Variants in EYA2 observed in about 807,000 individuals in gnomAD.
EYA2 encodes protein phosphatase EYA2.
In EYA2, 31 loss-of-function variants were observed where a neutral mutation model predicts 69.2. The ratio of observed to expected loss-of-function variants is 0.45; its 90% CI spans 0.34 to 0.60. The LOEUF (loss-of-function observed/expected upper bound fraction) is 0.60, where lower values mean the gene tolerates loss of function less well. Among genes scored for constraint, EYA2 ranks in the 20% least tolerant of loss-of-function variants. The probability of loss-of-function intolerance (pLI) is 0.02; values close to 1 mark genes in which losing one functional copy is unlikely to be tolerated. For synonymous variants in EYA2, 257 were observed against 279.4 expected, an observed-to-expected ratio of 0.92 and a Z score of 0.80; for missense variants, 622 against 701.2, an observed-to-expected ratio of 0.89 and a Z score of 1.28.
chr20:46,905,532 C>T lies in EYA2; in HGVS notation c.-11+10545C>T, dbSNP rs546777626. Among the ~76,000 whole-genome samples the T allele has an allele frequency of 5.3e-5, 8 of 152,312 alleles. No homozygotes were observed. In the East Asian group the frequency reaches 1.3e-3, roughly 26 times the overall value. On this transcript the variant is annotated intron_variant, in intron 1 of 15. Coordinates refer to ENST00000327619, the MANE Select transcript of EYA2 (RefSeq NM_005244.5). Reference sequence around the variant, plus strand: ...CTTGAACAGCACATGGAAAAAGTAACGTAAGTGGGTTGCAAAATCCTTTTC... The same window carrying T: ...CTTGAACAGCACATGGAAAAAGTAATGTAAGTGGGTTGCAAAATCCTTTTC...
At chr20:46,943,326 C>T (rs372180607) in intron 1 of EYA2, among the ~76,000 whole-genome samples, 65 of 152,240 alleles carry the variant, frequency 4.3e-4, no homozygotes, top group African/African-American at 1.5e-3. Context: ...GACATCCTCA[C>T]GTAGAGTATT....
In EYA2 at chr20:47,183,271, T is replaced by C; in HGVS notation, c.1436-20T>C. ...GGGTCCTCACAGAGCGTTTTTTCTT[T>C]CCTTCCTGTGTGCGTGCAGGGAAGG... On this transcript the variant is annotated intron_variant, in intron 14 of 15. Coordinates refer to ENST00000327619, the MANE Select transcript of EYA2 (RefSeq NM_005244.5). The C allele has an allele frequency of 6.2e-7, 1 of 1,612,160 alleles. No individual in the cohort carries two copies. Among genetic ancestry groups the C allele is most frequent in the Non-Finnish European group, 8.5e-7 (1 of 1,179,316 alleles).
At chr20:46,919,809 C>T (rs1401812843) in intron 1 of EYA2, among the ~76,000 whole-genome samples, 1 of 152,210 alleles carries the variant, frequency 6.6e-6, no homozygotes, top group Non-Finnish European at 1.5e-5. Context: ...TTTCGACATG[C>T]CTTCCTCACT....
chr20:47,109,265 TTTA>T, intron 9 of EYA2, among the ~76,000 whole-genome samples: 1 of 152,084 alleles, frequency 6.6e-6, no homozygotes, highest in East Asian at 1.9e-4. Context: ...CACTATCAAT[TTTA>T]TTATTTTCTT....
At chr20:46,980,209 C>G (rs1980742504) in intron 1 of EYA2, among the ~76,000 whole-genome samples, 1 of 152,202 alleles carries the variant, frequency 6.6e-6, no homozygotes, top group Admixed American at 6.5e-5. Context: ...TTATCTCTAC[C>G]TACTTCATAG....
At chr20:47,104,928 T>C (rs1441824745) in intron 9 of EYA2, among the ~76,000 whole-genome samples, 1 of 152,002 alleles carries the variant, frequency 6.6e-6, no homozygotes, top group Non-Finnish European at 1.5e-5. Context: ...GGCTTAGGCA[T>C]GAGAATTCCT....
At chr20:47,067,348 C>T (rs761390258) in intron 5 of EYA2, among the ~76,000 whole-genome samples, 1 of 152,080 alleles carries the variant, frequency 6.6e-6, no homozygotes, top group African/African-American at 2.4e-5. Flanking sequence ...AGACCTTCTG[C>T]TAAATGTGTC....
intron 10 of EYA2, among the ~76,000 whole-genome samples, chr20:47,164,931 T>C (rs570629363): frequency 3.7e-4 from 57 of 152,266 alleles, no homozygotes; most frequent in African/African-American, 1.3e-3. Flanking sequence ...CTTCCCTAAC[T>C]GAACTTATCA....
At chr20:46,991,164 G>T (rs1487585922) in intron 2 of EYA2, among the ~76,000 whole-genome samples, 1 of 152,172 alleles carries the variant, frequency 6.6e-6, no homozygotes, top group Non-Finnish European at 1.5e-5. Context: ...ACTGAGCCCC[G>T]TTCAAAGACA....
intron 5 of EYA2, among the ~76,000 whole-genome samples, chr20:47,038,896 C>A (rs1316611758): frequency 6.7e-6 from 1 of 149,070 alleles, no homozygotes; most frequent in Non-Finnish European, 1.5e-5. Context: ...AGAGTAGGGG[C>A]TTCTCGAACA....
At chr20:46,945,927 C>A (rs1435750423) in intron 1 of EYA2, among the ~76,000 whole-genome samples, 1 of 152,194 alleles carries the variant, frequency 6.6e-6, no homozygotes, top group Admixed American at 6.5e-5. Flanking sequence ...AGACACTGAG[C>A]TGTCTCACGC....
Position 46,985,709 on chromosome 20 carries a change from T to A in EYA2, c.-10-4292T>A, listed in dbSNP as rs373764363. Among the ~76,000 whole-genome samples, 612 of 152,260 alleles carry A rather than the reference T, an allele frequency of 4.0e-3. 3 individuals are homozygous for A. Among genetic ancestry groups the A allele is most frequent in the African/African-American group, 0.014 (571 of 41,542 alleles). On this transcript the variant is annotated intron_variant, in intron 1 of 15. Coordinates refer to ENST00000327619, the MANE Select transcript of EYA2 (RefSeq NM_005244.5). ...ATGGAGCCCATATGCCTTGACTTAA[T>A]TGGGCCGCCACTGTTCAGTGCCAGC...
At chr20:47,080,623 A>G (rs963583801) in intron 7 of EYA2, among the ~76,000 whole-genome samples, 2 of 152,176 alleles carry the variant, frequency 1.3e-5, no homozygotes, top group African/African-American at 2.4e-5. Context: ...GTATTAGTCT[A>G]TCTTCATGCT....
At chr20:46,932,929 G>A (rs1447044065) in intron 1 of EYA2, among the ~76,000 whole-genome samples, 1 of 151,964 alleles carries the variant, frequency 6.6e-6, no homozygotes, top group Non-Finnish European at 1.5e-5. Context: ...CCCTCACCAC[G>A]ACCACCCCCT....
chr20:47,096,416 C>T (rs1375498845), intron 8 of EYA2, among the ~76,000 whole-genome samples: 1 of 152,140 alleles, frequency 6.6e-6, no homozygotes, highest in African/African-American at 2.4e-5. Flanking sequence ...AAAGCTACAG[C>T]TGATAGACAT....
intron 9 of EYA2, among the ~76,000 whole-genome samples, chr20:47,129,234 CA>C (rs2033274889): frequency 6.6e-6 from 1 of 152,024 alleles, no homozygotes; most frequent in Non-Finnish European, 1.5e-5. Flanking sequence ...AGGAGAAGCA[CA>C]AAAAATTATA....
chr20:47,126,272 C>A (rs1056812889), intron 9 of EYA2, among the ~76,000 whole-genome samples: 2 of 152,220 alleles, frequency 1.3e-5, no homozygotes, highest in South Asian at 4.1e-4. Context: ...ACCAACCAGG[C>A]CCCGGAGAAG....
intron 5 of EYA2, among the ~76,000 whole-genome samples, chr20:47,032,684 G>A (rs1278725785): frequency 2.6e-5 from 4 of 152,138 alleles, no homozygotes; most frequent in South Asian, 2.1e-4. Flanking sequence ...GCCAGATGCT[G>A]GGGTTGAATC....
At chr20:46,895,996 T>C (rs953264755) in intron 1 of EYA2, among the ~76,000 whole-genome samples, 6 of 152,228 alleles carry the variant, frequency 3.9e-5, no homozygotes, top group African/African-American at 1.4e-4. Flanking sequence ...GATACCCTTT[T>C]CTTTTCTTTC....
Sources: allele counts gnomAD v4.1 joint callset (sites outside exome capture counted in the v4.1 genomes callset), GRCh38; gene constraint gnomAD v4.1.1; transcripts MANE v1.5; gene names NCBI Gene and HGNC (gene_info 2026-07-23, HGNC 2026-07-21).